MGLL: variants seen among roughly 807,000 people sequenced by gnomAD.
MGLL encodes monoglyceride lipase, also known as lysophospholipase homolog.
In MGLL, 7 loss-of-function variants were observed where a neutral mutation model predicts 29.1. The ratio of observed to expected loss-of-function variants is 0.24; its 90% confidence interval spans 0.14 to 0.45. The LOEUF is 0.45. Ranked by LOEUF, MGLL falls within the 20% of genes least tolerant of loss-of-function variation. The pLI is 0.99. For synonymous variants in MGLL, 148 were observed against 168.3 expected, an observed-to-expected ratio of 0.88 and a Z score of 0.93; for missense variants, 356 against 413.6, an observed-to-expected ratio of 0.86 and a Z score of 1.21.
chr3:127,763,113 AAAC>A lies in MGLL; in HGVS notation c.262+18673_262+18675del, dbSNP rs1265528378. On this transcript the variant is annotated intron_variant, in intron 3 of 7. Transcript: ENST00000265052. Reference sequence around the variant, plus strand: ...AAATACTCAGTATTTGGAGATAGAAAAACAACAACCACCATGCAAGGTCCTTAT... The same window carrying A: ...AAATACTCAGTATTTGGAGATAGAAAAACAACCACCATGCAAGGTCCTTAT... Among the ~76,000 whole-genome samples the A allele has an allele frequency of 5.9e-5, 9 of 152,320 alleles. No individual in the cohort carries two copies. In the South Asian group the frequency reaches 8.3e-4, roughly 14 times the overall value.
chr3:127,698,246 G>T (rs2075410561), intron 6 of MGLL, among the ~76,000 whole-genome samples: 1 of 152,170 alleles, frequency 6.6e-6, no homozygotes, highest in Non-Finnish European at 1.5e-5. Context: ...AGGAGGTTGG[G>T]GAGGGCTGTA....
At chr3:127,714,278 T>G (rs1206141202) in intron 5 of MGLL, 2 of 152,176 alleles carry the variant, frequency 1.3e-5, no homozygotes, top group Non-Finnish European at 2.9e-5. Context: ...AATGATCTAT[T>G]GCTGAAAGCG....
intron 3 of MGLL, among the ~76,000 whole-genome samples, chr3:127,755,143 A>G (rs559796322): frequency 1.1e-3 from 169 of 152,294 alleles, no homozygotes; most frequent in African/African-American, 3.2e-3. Flanking sequence ...GGGATGCCCC[A>G]TGCATTGCTC....
chr3:127,788,514 T>C (rs952415021), intron 2 of MGLL, among the ~76,000 whole-genome samples: 4 of 151,980 alleles, frequency 2.6e-5, no homozygotes, highest in Non-Finnish European at 5.9e-5. Context: ...CAAAAGCCCC[T>C]CACCCTGACC....
Position 127,695,061 on chromosome 3 carries a change from G to A in MGLL, c.730C>T (p.Leu244Phe), listed in dbSNP as rs1279315471. 1.2e-6 allele frequency: 2 copies of A among 1,614,010 alleles called. No homozygotes were observed. The highest frequency in any genetic ancestry group is 1.3e-5 in the African/African-American group (1 of 74,922). ...CATAGGCGATCGGCAGAGCCCTGGA[G>A]CAGCAGGAAGGGCACAGTCAGCTTG... Reference protein sequence around the residue: ...LPKLTVPFLLLQGSADRLCDS... With the variant: ...LPKLTVPFLLFQGSADRLCDS... The change falls in exon 7 of 8, where the codon CTC (leucine) becomes TTC (phenylalanine). Residue 244 changes from leucine (L) to phenylalanine (F), a missense_variant. By Grantham distance (22) the Leu-to-Phe change is conservative. Transcript: ENST00000265052.
At chr3:127,742,861 C>A (rs1464184867) in intron 3 of MGLL, among the ~76,000 whole-genome samples, 2 of 152,228 alleles carry the variant, frequency 1.3e-5, no homozygotes, top group Non-Finnish European at 2.9e-5. Flanking sequence ...TGTCACCAGG[C>A]TGGTGTGCAG....
intron 6 of MGLL, among the ~76,000 whole-genome samples, chr3:127,704,669 T>A (rs1457612179): frequency 1.3e-5 from 2 of 151,936 alleles, no homozygotes; most frequent in African/African-American, 4.8e-5. Context: ...ATCAGAGAAA[T>A]GCAAATCAAA....
At chr3:127,772,168 CCT>C (rs10599059) in intron 3 of MGLL, among the ~76,000 whole-genome samples, 17,188 of 152,226 alleles carry the variant, frequency 0.11, 1,012 homozygotes, top group South Asian at 0.2. Context: ...CCTTACCAGC[CCT>C]GCTTTTTCAA....
At chr3:127,698,966 C>A (rs1167483315) in intron 6 of MGLL, among the ~76,000 whole-genome samples, 1 of 152,228 alleles carries the variant, frequency 6.6e-6, no homozygotes, top group South Asian at 2.1e-4. Context: ...GCTGGGGACC[C>A]AGGTCCAAGT....
intron 3 of MGLL, among the ~76,000 whole-genome samples, chr3:127,741,645 C>T (rs1215566390): frequency 6.6e-6 from 1 of 152,214 alleles, no homozygotes; most frequent in Admixed American, 6.5e-5. Flanking sequence ...GCTCAGTCAA[C>T]ATCCCCTTGT....
intron 3 of MGLL, among the ~76,000 whole-genome samples, chr3:127,752,005 G>A (rs888043505): frequency 2.6e-5 from 4 of 152,142 alleles, no homozygotes; most frequent in Admixed American, 1.3e-4. Context: ...ATACATGTAC[G>A]CAGTCTCACT....
chr3:127,819,575 T>A (rs891737627), intron 2 of MGLL, among the ~76,000 whole-genome samples: 3 of 152,084 alleles, frequency 2.0e-5, no homozygotes, highest in African/African-American at 7.2e-5. Flanking sequence ...GGAGACAGGA[T>A]TGCACAAAGC....
chr3:127,719,593 C>T (rs763531665), intron 5 of MGLL, among the ~76,000 whole-genome samples: 5 of 152,220 alleles, frequency 3.3e-5, no homozygotes, highest in Admixed American at 6.5e-5. Flanking sequence ...GCAGCGGGAA[C>T]GCCCCTGCTG....
chr3:127,710,675 G>A lies in MGLL; in HGVS notation c.511-10C>T. 6.4e-7 allele frequency: 1 copy of A among 1,559,468 alleles called. No homozygotes were observed. The highest frequency in any genetic ancestry group is 8.7e-7 in the Non-Finnish European group (1 of 1,150,224). ...CTTTCGCAGCAAGGACCTAGCCGGG[G>A]AGGGAAAACAAGGGCTGTGAGCACA... is the stretch of plus-strand genomic sequence containing the variant. On this transcript the variant is annotated splice_polypyrimidine_tract_variant and intron_variant, in intron 5 of 7. Transcript: ENST00000265052.
At chr3:127,813,820 C>G (rs1454378501) in intron 2 of MGLL, among the ~76,000 whole-genome samples, 1 of 152,182 alleles carries the variant, frequency 6.6e-6, no homozygotes, top group East Asian at 1.9e-4. Flanking sequence ...AAGCCCCACA[C>G]TCTAACCCCC....
chr3:127,771,837 T>C (rs1201779434), intron 3 of MGLL, among the ~76,000 whole-genome samples: 1 of 152,136 alleles, frequency 6.6e-6, no homozygotes, highest in East Asian at 1.9e-4. Flanking sequence ...TAGCGTATGT[T>C]GAGAACACCA....
chr3:127,806,300 G>A (rs182838497), intron 2 of MGLL, among the ~76,000 whole-genome samples: 1 of 152,358 alleles, frequency 6.6e-6, no homozygotes, highest in East Asian at 1.9e-4. Context: ...TGATTTCTCT[G>A]TCACCCAAGA....
intron 3 of MGLL, among the ~76,000 whole-genome samples, chr3:127,732,976 C>A (rs1248198681): frequency 1.3e-5 from 2 of 152,116 alleles, no homozygotes; most frequent in Non-Finnish European, 2.9e-5. Flanking sequence ...GCGTTTGAAC[C>A]AGAGCAACTC....
At chr3:127,740,793 G>A (rs996875550) in intron 3 of MGLL, among the ~76,000 whole-genome samples, 7 of 152,238 alleles carry the variant, frequency 4.6e-5, no homozygotes, top group Admixed American at 3.9e-4. Context: ...TGGCCGTGTC[G>A]ACGTAGTGTG....
Sources: gnomAD v4.1 joint callset for allele counts (sites outside exome capture counted in the v4.1 genomes callset) on GRCh38, gnomAD v4.1.1 for gene constraint, MANE v1.5 for transcripts, NCBI Gene and HGNC (gene_info 2026-07-23, HGNC 2026-07-21) for gene names.